The following OSBPL9 variants were observed in gnomAD, a reference collection of about 807,000 sequenced individuals.
OSBPL9 encodes oxysterol binding protein like 9, also known as oxysterol-binding protein-related protein 9.
In OSBPL9, 40 loss-of-function variants were observed where a neutral mutation model predicts 106.6. That is an observed-to-expected ratio of 0.38 (90% CI 0.29 to 0.49). The LOEUF is 0.49. Ranked by LOEUF, OSBPL9 falls within the 20% of genes least tolerant of loss-of-function variation. OSBPL9 has a pLI of 0.97. For missense variants in OSBPL9, 609 were observed against 887.2 expected (o/e 0.69, Z 3.98); for synonymous variants, 269 against 295.4 (o/e 0.91, Z 0.92).
upstream of OSBPL9, among the ~76,000 whole-genome samples, chr1:51,613,275 T>C (rs1644002000): frequency 6.6e-6 from 1 of 152,240 alleles, no homozygotes; most frequent in Admixed American, 6.5e-5. Flanking sequence ...AGTTTGCTTA[T>C]CCCAAAAGAC....
chr1:51,658,846 T>C (rs984261267), intron 2 of OSBPL9, among the ~76,000 whole-genome samples: 10 of 152,178 alleles, frequency 6.6e-5, no homozygotes, highest in Non-Finnish European at 1.2e-4. Flanking sequence ...GTAAGAACTT[T>C]TATCAATTGT....
chr1:51,642,639 A>G (rs932881243), intron 1 of OSBPL9, among the ~76,000 whole-genome samples: 1 of 152,182 alleles, frequency 6.6e-6, no homozygotes, highest in Non-Finnish European at 1.5e-5. Context: ...GTCACTTAGG[A>G]AAGGTAATAA....
intron 1 of OSBPL9, among the ~76,000 whole-genome samples, chr1:51,640,553 A>G (rs768784556): frequency 3.8e-4 from 58 of 152,320 alleles, no homozygotes; most frequent in Middle Eastern, 6.8e-3. Flanking sequence ...TTGATTGAAG[A>G]GGACTGAAAG....
intron 1 of OSBPL9, among the ~76,000 whole-genome samples, chr1:51,581,067 G>A (rs1255945536): frequency 2.0e-5 from 3 of 146,828 alleles, no homozygotes; most frequent in Admixed American, 6.8e-5. Flanking sequence ...CCTCAGGCAC[G>A]TGCCACCATA....
intron 16 of OSBPL9, chr1:51,781,556 G>A (rs1380391853): frequency 6.7e-6 from 3 of 449,964 alleles, no homozygotes; most frequent in Non-Finnish European, 1.2e-5. Flanking sequence ...GCAAGGTCTT[G>A]TAGACCATAA....
At chr1:51,540,590 G>A in the OSBPL9 span, among the ~76,000 whole-genome samples, 1 of 151,502 alleles carries the variant, frequency 6.6e-6, no homozygotes, top group East Asian at 1.9e-4. Flanking sequence ...GGAGGTGGAG[G>A]TTGCAGTGGG....
chr1:51,714,012 C>A lies in OSBPL9; in HGVS notation c.251C>A (p.Ala84Asp). 6.2e-7 allele frequency: 1 copy of A among 1,606,672 alleles called. No individual in the cohort carries two copies. Among genetic ancestry groups the A allele is most frequent in the Non-Finnish European group, 8.5e-7 (1 of 1,175,824 alleles). Residue 84 changes from alanine (A) to aspartate (D), a missense_variant, in exon 4 of 24, where the codon GCT (alanine) becomes GAT (aspartate). This residue lies in a region of OSBPL9 where 72 missense variants were observed against 140.5 expected (regional missense o/e 0.51). Coordinates refer to ENST00000428468, the MANE Select transcript of OSBPL9 (RefSeq NM_024586.6). ...TAATCTTTTATTCCAGCCCGTGATG[C>A]TGATGAGCGAGAGAAGTGGATCCAT... ...QKTFHFQARD[A>D]DEREKWIHAL...
At chr1:51,532,684 G>T in the OSBPL9 span, among the ~76,000 whole-genome samples, 1 of 152,138 alleles carries the variant, frequency 6.6e-6, no homozygotes, top group African/African-American at 2.4e-5. Flanking sequence ...ATTGTGCAGG[G>T]TAGGGATCTT....
chr1:51,683,156 T>C (rs1294272666), intron 3 of OSBPL9, among the ~76,000 whole-genome samples: 3 of 151,942 alleles, frequency 2.0e-5, no homozygotes, highest in African/African-American at 7.2e-5. Context: ...ACTACAGGCG[T>C]GAACCACCAT....
intron 3 of OSBPL9, among the ~76,000 whole-genome samples, chr1:51,701,912 C>CT (rs1394153014): frequency 6.6e-6 from 1 of 152,032 alleles, no homozygotes; most frequent in Non-Finnish European, 1.5e-5. Flanking sequence ...GTTTTTTGTC[C>CT]TTGCGATAGT....
chr1:51,607,935 G>A (rs1464117960), intron 2 of OSBPL9, among the ~76,000 whole-genome samples: 2 of 152,178 alleles, frequency 1.3e-5, no homozygotes, highest in East Asian at 1.9e-4. Context: ...CCCTGACTTG[G>A]GGTTTTATAC....
intron 9 of OSBPL9, among the ~76,000 whole-genome samples, chr1:51,757,328 A>G (rs1670550586): frequency 6.6e-6 from 1 of 152,088 alleles, no homozygotes; most frequent in South Asian, 2.1e-4. Flanking sequence ...ATGGTGATAT[A>G]ATACAATTGT....
chr1:51,536,370 A>C, the OSBPL9 span, among the ~76,000 whole-genome samples: 1 of 152,118 alleles, frequency 6.6e-6, no homozygotes, highest in Non-Finnish European at 1.5e-5. Context: ...GCAGTGGTTC[A>C]ATTACAGCTC....
At position 51,781,387 on chromosome 1, in the gene OSBPL9, G is replaced by T. The variant is rs76703870; in HGVS notation, c.1428+52G>T. The T allele has an allele frequency of 2.3e-3, 3,586 of 1,533,374 alleles. 65 individuals are homozygous for T. In the African/African-American group the frequency reaches 0.044, roughly 19 times the overall value. The allele number at this position is 1,533,374 out of a possible 1,614,324, so 95.0% of individuals were successfully genotyped here. Reference sequence around the variant, plus strand: ...TTATCTTAATTGTATACTGATTCAAGATTTTATTTAGGGGCAAATAATAAT... The same window carrying T: ...TTATCTTAATTGTATACTGATTCAATATTTTATTTAGGGGCAAATAATAAT... On this transcript the variant is annotated intron_variant, in intron 16 of 23. Transcript: ENST00000428468.
rs1033607689 is a variant in OSBPL9 at position 51,781,069 on chromosome 1, T to G, written c.1257-95T>G. 1.7e-5 allele frequency: 20 copies of G among 1,196,024 alleles called. No homozygotes were observed. In the South Asian group the frequency reaches 2.3e-4, roughly 14 times the overall value. The allele number at this position is 1,196,024 out of a possible 1,614,324, so 74.1% of individuals were successfully genotyped here. ...TCCTGGTCCTAGGTCCTCAGTCCTC[T>G]CAGCCTGACTTAGGTGGACCATGCT... is the stretch of plus-strand genomic sequence containing the variant. On this transcript the variant is annotated intron_variant, in intron 15 of 23. Transcript: ENST00000428468.
intron 2 of OSBPL9, among the ~76,000 whole-genome samples, chr1:51,611,122 C>G (rs1033621042): frequency 6.6e-6 from 1 of 152,146 alleles, no homozygotes; most frequent in African/African-American, 2.4e-5. Flanking sequence ...CCTTAGAACA[C>G]TTACAGAACC....
At chr1:51,590,981 C>T (rs1252799333) in intron 1 of OSBPL9, among the ~76,000 whole-genome samples, 2 of 148,774 alleles carry the variant, frequency 1.3e-5, no homozygotes, top group Non-Finnish European at 3.0e-5. Context: ...TGCAGTGGCG[C>T]GATCTCTGCT....
chr1:51,646,970 C>T (rs886527350), intron 1 of OSBPL9, among the ~76,000 whole-genome samples: 1 of 152,156 alleles, frequency 6.6e-6, no homozygotes, highest in Non-Finnish European at 1.5e-5. Context: ...CAGTGTTGAG[C>T]AGGAGTAGCA....
chr1:51,544,472 T>C, the OSBPL9 span, among the ~76,000 whole-genome samples: 2 of 152,200 alleles, frequency 1.3e-5, no homozygotes, highest in Non-Finnish European at 1.5e-5. Flanking sequence ...TCAGCAACAT[T>C]GATTCGATCA....
Sources: allele counts gnomAD v4.1 joint callset (sites outside exome capture counted in the v4.1 genomes callset), GRCh38; gene constraint gnomAD v4.1.1; regional missense constraint gnomAD v4.1.1; transcripts MANE v1.5; gene names NCBI Gene and HGNC (gene_info 2026-07-23, HGNC 2026-07-21).